CBLC: variants seen among roughly 807,000 people sequenced by gnomAD.
CBLC encodes Cbl proto-oncogene C.
A neutral mutation model predicts 58.6 loss-of-function variants in CBLC; 46 were observed. The observed-to-expected ratio is 0.79, with a 90% CI of 0.62 to 1.00. CBLC has a LOEUF of 1.00. CBLC is among the 50% of genes least tolerant of loss of function. The pLI is 0.00. For synonymous variants in CBLC, 271 were observed against 264.2 expected (o/e 1.03, Z -0.25); for missense variants, 655 against 625.8 (o/e 1.05, Z -0.50).
chr19:44,782,744 C>T lies in CBLC; in HGVS notation c.779+253C>T, dbSNP rs113678940. ...CGCTCTAGCAAGGAGCCCAAAGACC[C>T]GCTTGAGGGTAAGGTCCGTTTCTGG... is the stretch of plus-strand genomic sequence containing the variant. On this transcript the variant is annotated intron_variant, in intron 4 of 10. Transcript: ENST00000647358. Among the ~76,000 whole-genome samples, 584 of 152,268 alleles carry T rather than the reference C, an allele frequency of 3.8e-3. 6 individuals carry two copies. Among genetic ancestry groups the T allele is most frequent in the African/African-American group, 0.013 (554 of 41,556 alleles).
intron 5 of CBLC, among the ~76,000 whole-genome samples, chr19:44,785,560 ATAG>A (rs1967880834): frequency 7.0e-6 from 1 of 143,284 alleles, no homozygotes; most frequent in East Asian, 2.0e-4. Context: ...AGATAGATAG[ATAG>A]ATAGATAGAT....
At chr19:44,787,351 G>A (rs150107674) in intron 5 of CBLC, among the ~76,000 whole-genome samples, 1,570 of 152,114 alleles carry the variant, frequency 0.01, 36 homozygotes, top group African/African-American at 0.036. Context: ...CCGAGATCGC[G>A]CCACTGTACT....
intron 6 of CBLC, among the ~76,000 whole-genome samples, chr19:44,791,701 C>T (rs1351237534): frequency 1.4e-5 from 2 of 147,186 alleles, no homozygotes; most frequent in African/African-American, 5.1e-5. Context: ...CACTGCACTC[C>T]AGCCTGGGCA....
chr19:44,791,412 A>G (rs1968045104), intron 6 of CBLC, among the ~76,000 whole-genome samples: 1 of 152,012 alleles, frequency 6.6e-6, no homozygotes, highest in Admixed American at 6.6e-5. Context: ...GGTGTAGACA[A>G]CTGGGGAGAA....
At position 44,783,005 on chromosome 19, in the gene CBLC, C is replaced by T. The variant is rs1283032713; in HGVS notation, c.779+514C>T. Among the ~76,000 whole-genome samples the T allele has an allele frequency of 5.3e-5, 8 of 152,128 alleles. No homozygotes were observed. The East Asian group carries it at 5.8e-4, about 11-fold the overall frequency. On this transcript the variant is annotated intron_variant, in intron 4 of 10. Coordinates refer to ENST00000647358, the MANE Select transcript of CBLC (RefSeq NM_012116.4). Reference sequence around the variant, plus strand: ...AGGTGCAGGGGTAGGACGGTGAGTGCGTTAGCATTCTTCCAGTTACACTTC... The same window carrying T: ...AGGTGCAGGGGTAGGACGGTGAGTGTGTTAGCATTCTTCCAGTTACACTTC...
At chr19:44,782,644 G>A (rs1967781442) in intron 4 of CBLC, among the ~76,000 whole-genome samples, 153 bp downstream of exon 4, 1 of 152,122 alleles carries the variant, frequency 6.6e-6, no homozygotes, top group South Asian at 2.1e-4. Context: ...AGGACACTGA[G>A]TGCCCCTCCC....
intron 1 of CBLC, among the ~76,000 whole-genome samples, chr19:44,779,222 T>A (rs1359903674): frequency 6.6e-6 from 1 of 152,168 alleles, no homozygotes; most frequent in East Asian, 1.9e-4. Context: ...TAATCCCAGC[T>A]CTTTGGGAGG....
chr19:44,781,831 G>A (rs1343125389), intron 3 of CBLC, among the ~76,000 whole-genome samples: 1 of 134,968 alleles, frequency 7.4e-6, no homozygotes, highest in South Asian at 2.4e-4. Context: ...GTGAGGGCCC[G>A]GACTCCAGGG....
intron 1 of CBLC, among the ~76,000 whole-genome samples, chr19:44,779,933 G>A (rs1967676527): frequency 6.6e-6 from 1 of 151,992 alleles, no homozygotes; most frequent in Non-Finnish European, 1.5e-5. Context: ...TCACTATAAT[G>A]CCCAAATTAT....
intron 2 of CBLC, 45 bp from the exon 3 acceptor site, chr19:44,781,162 T>C (rs1437747094): frequency 6.3e-7 from 1 of 1,583,498 alleles, no homozygotes; most frequent in East Asian, 2.2e-5. Flanking sequence ...CATCATAGGC[T>C]CTGGGAGGCC....
chr19:44,786,396 C>G (rs1191961619), intron 5 of CBLC, among the ~76,000 whole-genome samples: 1 of 151,582 alleles, frequency 6.6e-6, no homozygotes, highest in South Asian at 2.1e-4. Context: ...TCGAGACCAT[C>G]CTGCCTAACA....
rs532643356 is a variant in CBLC, at chr19:44,779,681, A to G, written c.354-1224A>G. ...ATCCTCCCACCTCAGCCTCCCATGT[A>G]GCTGGGACCACAGGCGTGCACCACC... On this transcript the variant is annotated intron_variant, in intron 1 of 10. Transcript: ENST00000647358. Among the ~76,000 whole-genome samples, 319 of 151,124 alleles carry G rather than the reference A, an allele frequency of 2.1e-3. 2 individuals carry two copies. The highest frequency in any genetic ancestry group is 7.5e-3 in the African/African-American group (309 of 41,028).
intron 4 of CBLC, among the ~76,000 whole-genome samples, chr19:44,782,930 CTAGATA>C: frequency 6.6e-6 from 1 of 152,104 alleles, no homozygotes; most frequent in African/African-American, 2.4e-5. Flanking sequence ...ATTGAGCTGT[CTAGATA>C]CCAAGAGAAG....
At chr19:44,797,805 A>G (rs1414689402) in intron 9 of CBLC, among the ~76,000 whole-genome samples, 3 of 151,472 alleles carry the variant, frequency 2.0e-5, no homozygotes, top group Non-Finnish European at 4.4e-5. Flanking sequence ...CAGTGGTACA[A>G]TCACAGCTCA....
At chr19:44,783,844 C>G (rs1967813283) in intron 4 of CBLC, among the ~76,000 whole-genome samples, 1 of 152,134 alleles carries the variant, frequency 6.6e-6, no homozygotes, top group Non-Finnish European at 1.5e-5. Context: ...CTCATTGTGG[C>G]AAATGACTTC....
At chr19:44,785,103 G>T (rs908356506) in intron 5 of CBLC, among the ~76,000 whole-genome samples, 2 of 150,838 alleles carry the variant, frequency 1.3e-5, no homozygotes, top group Admixed American at 6.7e-5. Flanking sequence ...GCCTGAGTAG[G>T]TGGGATTACA....
chr19:44,780,265 G>T (rs1967684606), intron 1 of CBLC, among the ~76,000 whole-genome samples: 1 of 151,448 alleles, frequency 6.6e-6, no homozygotes, highest in South Asian at 2.1e-4. Context: ...CTCCCAAGTA[G>T]CTGGGATTAC....
chr19:44,790,459 C>T (rs1486316701), intron 6 of CBLC, among the ~76,000 whole-genome samples: 2 of 152,014 alleles, frequency 1.3e-5, no homozygotes, highest in Non-Finnish European at 2.9e-5. Flanking sequence ...TTTTTAGAGA[C>T]AGAATCTCTT....
chr19:44,783,474 A>G (rs922441334), intron 4 of CBLC, among the ~76,000 whole-genome samples: 31 of 151,210 alleles, frequency 2.1e-4, no homozygotes, highest in African/African-American at 7.3e-4. Flanking sequence ...ACGCCATTGC[A>G]CTCCTGCCTG....
Sources: allele counts gnomAD v4.1 joint callset (sites outside exome capture counted in the v4.1 genomes callset), GRCh38; gene constraint gnomAD v4.1.1; transcripts MANE v1.5; gene names NCBI Gene and HGNC (gene_info 2026-07-23, HGNC 2026-07-21).